Variants in TTLL7 observed in about 807,000 individuals in gnomAD.
The protein encoded by TTLL7 is tubulin polyglutamylase TTLL7.
TTLL7 carries 53 observed loss-of-function variants against 120.2 expected under a neutral mutation model. The ratio of observed to expected loss-of-function variants is 0.44; its 90% CI spans 0.35 to 0.55. TTLL7 has a LOEUF of 0.55. Among genes scored for constraint, TTLL7 ranks in the 20% least tolerant of loss-of-function variants. TTLL7 has a pLI of 0.00. For missense variants in TTLL7, 803 were observed against 1,054.7 expected, an observed-to-expected ratio of 0.76 and a Z score of 3.31; for synonymous variants, 353 against 351.7, an observed-to-expected ratio of 1.00 and a Z score of -0.04.
intron 1 of TTLL7, among the ~76,000 whole-genome samples, chr1:83,997,276 T>A (rs1362995123): frequency 6.6e-6 from 1 of 152,192 alleles, no homozygotes; most frequent in African/African-American, 2.4e-5. Context: ...ATCTGTACTA[T>A]AGCAACCTGC....
chr1:83,926,428 A>C (rs1282010919), intron 10 of TTLL7, among the ~76,000 whole-genome samples: 1 of 152,130 alleles, frequency 6.6e-6, no homozygotes, highest in East Asian at 1.9e-4. Flanking sequence ...GAGTGGGTCA[A>C]AGCTAGCGAG....
chr1:83,914,910 T>C (rs1658010612), intron 14 of TTLL7, among the ~76,000 whole-genome samples: 1 of 152,206 alleles, frequency 6.6e-6, no homozygotes, highest in South Asian at 2.1e-4. Context: ...GGCTAGGTTC[T>C]AAGAATACAA....
At chr1:83,922,461 C>A (rs553185277) in intron 10 of TTLL7, among the ~76,000 whole-genome samples, 91 of 152,240 alleles carry the variant, frequency 6.0e-4, no homozygotes, top group African/African-American at 2.1e-3. Flanking sequence ...AAAGAGAGTT[C>A]TTTTGCCTCA....
At chr1:83,933,918 C>A in intron 8 of TTLL7, 152 bp from the exon 9 acceptor site, 1 of 667,926 alleles carries the variant, frequency 1.5e-6, no homozygotes, top group Admixed American at 2.9e-5. Context: ...ATTCTTCACT[C>A]TTACCCCTGC....
At chr1:83,944,635 G>A (rs1294163779) in intron 6 of TTLL7, among the ~76,000 whole-genome samples, 1 of 152,182 alleles carries the variant, frequency 6.6e-6, no homozygotes, top group African/African-American at 2.4e-5. Flanking sequence ...TTGAACCTGG[G>A]AGGCAGAGGT....
At chr1:83,956,432 T>C (rs1557732977) in intron 1 of TTLL7, among the ~76,000 whole-genome samples, 1 of 149,924 alleles carries the variant, frequency 6.7e-6, no homozygotes, top group Admixed American at 6.6e-5. Flanking sequence ...GCCCACTTTT[T>C]TTTTTTTTTT....
At chr1:83,915,618 C>A (rs912592943) in intron 14 of TTLL7, among the ~76,000 whole-genome samples, 1 of 152,046 alleles carries the variant, frequency 6.6e-6, no homozygotes, top group Non-Finnish European at 1.5e-5. Context: ...AAAGCAATGG[C>A]AACAAAAGCC....
intron 1 of TTLL7, among the ~76,000 whole-genome samples, chr1:83,969,309 C>T (rs1650759838): frequency 6.6e-6 from 1 of 151,846 alleles, no homozygotes; most frequent in East Asian, 1.9e-4. Context: ...ATATTGATTC[C>T]AATCAGTGTT....
chr1:83,907,430 T>C (rs1287571222), intron 16 of TTLL7, 26 bp downstream of exon 16: 4 of 1,607,812 alleles, frequency 2.5e-6, no homozygotes, highest in Non-Finnish European at 2.6e-6. Context: ...CCCTGTAATC[T>C]TGAAAGAGCA....
At chr1:83,939,540 A>C (rs1225919991) in intron 7 of TTLL7, among the ~76,000 whole-genome samples, 1 of 152,204 alleles carries the variant, frequency 6.6e-6, no homozygotes, top group African/African-American at 2.4e-5. Flanking sequence ...AGTCATTTGC[A>C]AGAAATAGAA....
At chr1:83,974,025 A>C (rs1651236244) in intron 1 of TTLL7, among the ~76,000 whole-genome samples, 1 of 152,002 alleles carries the variant, frequency 6.6e-6, no homozygotes. Flanking sequence ...CACTCTATAT[A>C]TGTTTTACCT....
chr1:83,900,264 T>C lies in TTLL7; in HGVS notation c.2208+3815A>G. The C allele has an allele frequency of 9.5e-6, 3 of 315,064 alleles. No individual in the cohort carries two copies. In the Admixed American group the frequency reaches 1.4e-4, roughly 14 times the overall value. 19.5% of individuals were successfully genotyped at this position (315,064 alleles called of 1,614,324 possible). Reference sequence around the variant, plus strand: ...AGTCTAGAATTAAAAGAGTCTAGAATGGAATCAACTTAACAAAAATTGATA... The same window carrying C: ...AGTCTAGAATTAAAAGAGTCTAGAACGGAATCAACTTAACAAAAATTGATA... On this transcript the variant is annotated intron_variant, in intron 18 of 20. Coordinates refer to ENST00000260505, the MANE Select transcript of TTLL7 (RefSeq NM_024686.6).
chr1:83,871,896 CAAAAAAAAAA>C (rs1281907006), intron 20 of TTLL7, among the ~76,000 whole-genome samples: 1 of 44,004 alleles, frequency 2.3e-5, no homozygotes, highest in Admixed American at 2.6e-4. Context: ...GACTCCATCT[CAAAAAAAAAA>C]AAAAAAAAAA....
At position 83,867,215 on chromosome 1, in the gene TTLL7, C is replaced by A. The variant is rs545666590; in HGVS notation, c.*2747G>T. On this transcript the variant is annotated 3_prime_UTR_variant, in exon 21 of 21. Coordinates refer to ENST00000260505, the MANE Select transcript of TTLL7 (RefSeq NM_024686.6). Reference sequence around the variant, plus strand: ...AATAAAAACTTGGGAATATTTTATACCTCTAAATCATTTCCATGGCCTCCC... The same window carrying A: ...AATAAAAACTTGGGAATATTTTATAACTCTAAATCATTTCCATGGCCTCCC... 3.3e-5 allele frequency: 5 copies of A among 152,032 alleles called. No individual in the cohort carries two copies. The highest frequency in any genetic ancestry group is 7.4e-5 in the Non-Finnish European group (5 of 67,882). 9.4% of individuals were successfully genotyped at this position (152,032 alleles called of 1,614,324 possible). A position where few individuals can be genotyped will look rare whatever the true frequency, so the allele number is the denominator to read the frequency against.
At chr1:83,903,237 C>T (rs1389315639) in intron 18 of TTLL7, among the ~76,000 whole-genome samples, 1 of 151,996 alleles carries the variant, frequency 6.6e-6, no homozygotes, top group Non-Finnish European at 1.5e-5. Context: ...AACAGACTAT[C>T]CTATAAATAT....
intron 20 of TTLL7, among the ~76,000 whole-genome samples, chr1:83,877,714 C>T (rs1215164242): frequency 6.6e-6 from 1 of 151,794 alleles, no homozygotes; most frequent in Non-Finnish European, 1.5e-5. Flanking sequence ...GCTATTTCTC[C>T]ATTTTATATT....
intron 1 of TTLL7, among the ~76,000 whole-genome samples, chr1:83,961,599 A>G (rs370555709): frequency 2.7e-4 from 41 of 152,132 alleles, no homozygotes; most frequent in African/African-American, 8.9e-4. Context: ...ATCTTACTCA[A>G]TAAGTGGTGA....
intron 8 of TTLL7, among the ~76,000 whole-genome samples, chr1:83,936,702 C>CA (rs1171095707): frequency 6.6e-6 from 1 of 152,166 alleles, no homozygotes; most frequent in Non-Finnish European, 1.5e-5. Context: ...ATCCAGATGA[C>CA]ATTTTTGTTA....
chr1:83,937,034 A>G (rs1647458776), intron 8 of TTLL7, among the ~76,000 whole-genome samples: 1 of 152,216 alleles, frequency 6.6e-6, no homozygotes, highest in African/African-American at 2.4e-5. Flanking sequence ...CAAACAGAAT[A>G]AACAAAGGAT....
Sources: gnomAD v4.1 joint callset for allele counts (sites outside exome capture counted in the v4.1 genomes callset) on GRCh38, gnomAD v4.1.1 for gene constraint, MANE v1.5 for transcripts, NCBI Gene and HGNC (gene_info 2026-07-23, HGNC 2026-07-21) for gene names.